RTN4IP1: variants seen among roughly 807,000 people sequenced by gnomAD.
The protein encoded by RTN4IP1 is NAD(P)H oxidoreductase RTN4IP1, mitochondrial.
Under a neutral mutation model 46.6 loss-of-function variants are expected in RTN4IP1, and 32 were observed. The ratio of observed to expected loss-of-function variants is 0.69; its 90% CI spans 0.52 to 0.92. The LOEUF (loss-of-function observed/expected upper bound fraction) is 0.92, where lower values mean the gene tolerates loss of function less well. Among genes scored for constraint, RTN4IP1 ranks in the 40% least tolerant of loss-of-function variants. RTN4IP1 has a pLI of 0.00. For synonymous variants in RTN4IP1, 167 were observed against 161.8 expected, an observed-to-expected ratio of 1.03 and a Z score of -0.24; for missense variants, 424 against 485.8, an observed-to-expected ratio of 0.87 and a Z score of 1.20.
intron 8 of RTN4IP1, among the ~76,000 whole-genome samples, 180 bp downstream of exon 8, chr6:106,583,148 T>G (rs758988469): frequency 2.4e-4 from 36 of 152,320 alleles, no homozygotes; most frequent in Middle Eastern, 3.4e-3. Flanking sequence ...TCTGTGTCTA[T>G]GCCTCCCATG....
chr6:106,619,347 C>A (rs1776426748), intron 3 of RTN4IP1, 21 bp from the exon 4 acceptor site: 3 of 1,612,920 alleles, frequency 1.9e-6, no homozygotes, highest in Non-Finnish European at 2.5e-6. Flanking sequence ...AGACAACAGT[C>A]AAAAATAAGC....
chr6:106,623,393 A>T (rs1371406932), intron 1 of RTN4IP1, among the ~76,000 whole-genome samples: 1 of 152,154 alleles, frequency 6.6e-6, no homozygotes, highest in Admixed American at 6.5e-5. Flanking sequence ...CAGAGGGTGG[A>T]GGGTGGGAAG....
At chr6:106,607,155 A>G (rs1427112384) in intron 4 of RTN4IP1, among the ~76,000 whole-genome samples, 2 of 152,194 alleles carry the variant, frequency 1.3e-5, no homozygotes, top group Admixed American at 1.3e-4. Context: ...TGGTGAGAGG[A>G]TAATTTCTTC....
upstream of RTN4IP1, chr6:106,629,583 CAATT>C (rs1298523172): frequency 3.5e-6 from 5 of 1,436,906 alleles, no homozygotes; most frequent in Non-Finnish European, 3.8e-6. Flanking sequence ...GGCTCAGTGA[CAATT>C]AAAGATGGCT....
intron 8 of RTN4IP1, among the ~76,000 whole-genome samples, chr6:106,575,136 G>C (rs116381352): frequency 2.6e-5 from 4 of 152,318 alleles, no homozygotes; most frequent in South Asian, 2.1e-4. Context: ...AAATACAGAG[G>C]GGGGAAAGAA....
intron 4 of RTN4IP1, among the ~76,000 whole-genome samples, chr6:106,610,354 G>A (rs919314193): frequency 2.6e-5 from 4 of 151,998 alleles, no homozygotes; most frequent in African/African-American, 7.2e-5. Flanking sequence ...GTGAGCCACC[G>A]CACCCGGCGG....
At position 106,617,604 on chromosome 6, in the gene RTN4IP1, G is replaced by A. The variant is rs142071356; in HGVS notation, c.620+1598C>T. Among the ~76,000 whole-genome samples, 515 of 152,288 alleles carry A rather than the reference G, an allele frequency of 3.4e-3. 6 individuals carry two copies. The highest frequency in any genetic ancestry group is 0.012 in the African/African-American group (483 of 41,570). Reference sequence around the variant, plus strand: ...GTTCCAGGCCATTGTTGCTTAAACAGAAGATAACAGAGTACCAAAGAATTA... The same window carrying A: ...GTTCCAGGCCATTGTTGCTTAAACAAAAGATAACAGAGTACCAAAGAATTA... On this transcript the variant is annotated intron_variant, in intron 4 of 8. Coordinates refer to ENST00000369063, the MANE Select transcript of RTN4IP1 (RefSeq NM_032730.5).
intron 5 of RTN4IP1, among the ~76,000 whole-genome samples, chr6:106,598,416 T>C (rs1775856267): frequency 2.7e-5 from 4 of 150,778 alleles, no homozygotes; most frequent in Non-Finnish European, 6.0e-5. Context: ...TATCTCATAG[T>C]GGTTTTGATT....
At chr6:106,598,924 T>C (rs1313775684) in intron 5 of RTN4IP1, among the ~76,000 whole-genome samples, 1 of 152,064 alleles carries the variant, frequency 6.6e-6, no homozygotes, top group Non-Finnish European at 1.5e-5. Flanking sequence ...AGGAGCATTA[T>C]GTGTTGTGTT....
At chr6:106,597,702 T>C (rs552983441) in intron 5 of RTN4IP1, among the ~76,000 whole-genome samples, 2 of 151,942 alleles carry the variant, frequency 1.3e-5, no homozygotes, top group East Asian at 3.9e-4. Context: ...TTTTTTTTTT[T>C]TTTTAATTAT....
intron 4 of RTN4IP1, among the ~76,000 whole-genome samples, chr6:106,608,628 A>G: frequency 6.6e-6 from 1 of 152,220 alleles, no homozygotes; most frequent in East Asian, 1.9e-4. Flanking sequence ...ATATCAACTA[A>G]CATTAAAAGG....
chr6:106,620,983 T>C (rs1173906383), intron 3 of RTN4IP1, among the ~76,000 whole-genome samples: 1 of 152,212 alleles, frequency 6.6e-6, no homozygotes, highest in African/African-American at 2.4e-5. Context: ...CCCTCCCTTC[T>C]GTAGCCAATT....
chr6:106,621,180 A>G (rs1357752023), intron 3 of RTN4IP1, among the ~76,000 whole-genome samples: 1 of 144,902 alleles, frequency 6.9e-6, no homozygotes. Flanking sequence ...CAAGCAACAC[A>G]GCAGGGTTCT....
At chr6:106,608,025 C>T (rs546147479) in intron 4 of RTN4IP1, among the ~76,000 whole-genome samples, 26 of 152,260 alleles carry the variant, frequency 1.7e-4, no homozygotes, top group South Asian at 1.0e-3. Context: ...GAGATATCTG[C>T]ACTCCCATGT....
intron 6 of RTN4IP1, among the ~76,000 whole-genome samples, chr6:106,590,609 G>T (rs949613946): frequency 6.6e-6 from 1 of 151,186 alleles, no homozygotes; most frequent in Non-Finnish European, 1.5e-5. Flanking sequence ...CAGCTACTTG[G>T]GGGGCTGAGG....
chr6:106,612,251 G>A (rs975753733), intron 4 of RTN4IP1, among the ~76,000 whole-genome samples: 2 of 152,006 alleles, frequency 1.3e-5, no homozygotes, highest in Non-Finnish European at 2.9e-5. Context: ...GCCAGGCATG[G>A]TGGCGGGCAC....
chr6:106,623,267 T>C (rs1776534995), intron 1 of RTN4IP1, among the ~76,000 whole-genome samples: 5 of 152,200 alleles, frequency 3.3e-5, no homozygotes, highest in Admixed American at 3.3e-4. Flanking sequence ...AGGATATGGA[T>C]GGAACTGGGG....
chr6:106,574,889 G>A (rs1047840765), intron 8 of RTN4IP1, among the ~76,000 whole-genome samples: 9 of 152,208 alleles, frequency 5.9e-5, no homozygotes, highest in African/African-American at 9.6e-5. Context: ...TAATCTGGCT[G>A]GTCAGGCCTA....
At chr6:106,575,299 C>T (rs1775196894) in intron 8 of RTN4IP1, among the ~76,000 whole-genome samples, 1 of 152,240 alleles carries the variant, frequency 6.6e-6, no homozygotes, top group Admixed American at 6.5e-5. Context: ...ACGCTCACAG[C>T]AGCAGCCCTC....
Sources: allele counts gnomAD v4.1 joint callset (sites outside exome capture counted in the v4.1 genomes callset), GRCh38; gene constraint gnomAD v4.1.1; transcripts MANE v1.5; gene names NCBI Gene and HGNC (gene_info 2026-07-23, HGNC 2026-07-21).